Variants in UBE2F observed in about 807,000 individuals in gnomAD.
UBE2F encodes the protein NEDD8-conjugating enzyme UBE2F.
UBE2F carries 5 observed loss-of-function variants against 29.6 expected under a neutral mutation model. The observed-to-expected ratio is 0.17, with a 90% CI of 0.09 to 0.36. UBE2F has a LOEUF of 0.36. UBE2F is among the 10% of genes least tolerant of loss of function. The pLI is 1.00. For missense variants in UBE2F, 141 were observed against 228.5 expected, an observed-to-expected ratio of 0.62 and a Z score of 2.47; for synonymous variants, 66 against 81.8, an observed-to-expected ratio of 0.81 and a Z score of 1.04.
At chr2:238,024,262 G>A (rs1056164517) in intron 5 of UBE2F, among the ~76,000 whole-genome samples, 3 of 152,128 alleles carry the variant, frequency 2.0e-5, no homozygotes, top group East Asian at 1.9e-4. Flanking sequence ...AGATATTTAC[G>A]TATGTTTCTT....
intron 2 of UBE2F, among the ~76,000 whole-genome samples, chr2:237,979,018 T>C (rs2063334538): frequency 6.6e-6 from 1 of 152,218 alleles, no homozygotes; most frequent in Admixed American, 6.5e-5. Flanking sequence ...CCAACATGCA[T>C]TGTAGTGCCA....
intron 5 of UBE2F, among the ~76,000 whole-genome samples, chr2:238,018,511 G>A (rs1289941272): frequency 1.3e-5 from 2 of 152,114 alleles, no homozygotes; most frequent in Non-Finnish European, 2.9e-5. Context: ...CTGTGTGCCA[G>A]GTGTCTTGAC....
chr2:238,000,396 A>G (rs1002392659), intron 4 of UBE2F, among the ~76,000 whole-genome samples: 1 of 152,060 alleles, frequency 6.6e-6, no homozygotes, highest in African/African-American at 2.4e-5. Context: ...GTATGTATCT[A>G]TTTTAGTGTT....
chr2:237,976,891 T>G (rs2063291669), intron 2 of UBE2F, among the ~76,000 whole-genome samples: 1 of 152,172 alleles, frequency 6.6e-6, no homozygotes, highest in Non-Finnish European at 1.5e-5. Context: ...CTTGCCCAGT[T>G]TGCGGGTTTA....
intron 3 of UBE2F, among the ~76,000 whole-genome samples, chr2:237,989,873 C>A (rs2063547727): frequency 6.6e-6 from 1 of 151,844 alleles, no homozygotes; most frequent in Non-Finnish European, 1.5e-5. Context: ...ATTCCCAACA[C>A]TTTGGGAGGC....
intron 2 of UBE2F, among the ~76,000 whole-genome samples, chr2:237,979,353 A>G (rs2063339744): frequency 6.6e-6 from 1 of 152,150 alleles, no homozygotes; most frequent in African/African-American, 2.4e-5. Flanking sequence ...TGTCTGCCTG[A>G]GCAGTCCAGT....
intron 2 of UBE2F, among the ~76,000 whole-genome samples, chr2:237,987,138 A>G (rs1178908413): frequency 2.0e-5 from 3 of 152,132 alleles, no homozygotes; most frequent in African/African-American, 7.2e-5. Context: ...ATATATTTCC[A>G]TATATTTATT....
At chr2:238,008,553 TTTTCTC>T (rs1284001520) in intron 4 of UBE2F, among the ~76,000 whole-genome samples, 7 of 152,216 alleles carry the variant, frequency 4.6e-5, no homozygotes, top group African/African-American at 1.4e-4. Context: ...ATTTTTGTCT[TTTTCTC>T]TTGATCAGGT....
rs2063087888 is a variant in UBE2F, at chr2:237,967,722, G to A, written c.-17+590G>A. ...TATGGACGCTTACCTACAACTGGGG[G>A]CGGCCAGGCTAGTTTGGAAAATTTT... On this transcript the variant is annotated intron_variant, in intron 1 of 9. Coordinates refer to ENST00000272930, the MANE Select transcript of UBE2F (RefSeq NM_080678.3). The surrounding 1 kb of genome is among the most constrained non-coding windows in gnomAD (Gnocchi z 6.3). Among the ~76,000 whole-genome samples the A allele has an allele frequency of 6.6e-6, 1 of 152,242 alleles. No homozygotes were observed. Among genetic ancestry groups the A allele is most frequent in the Non-Finnish European group, 1.5e-5 (1 of 68,038 alleles).
chr2:238,025,190 T>C, intron 5 of UBE2F, 152 bp from the exon 6 acceptor site: 1 of 667,668 alleles, frequency 1.5e-6, no homozygotes, highest in Middle Eastern at 2.5e-4. Context: ...TGAGCCAGTA[T>C]TCAGGGTTGA....
chr2:237,989,294 T>TTC (rs2063538269), intron 3 of UBE2F, among the ~76,000 whole-genome samples: 2 of 152,154 alleles, frequency 1.3e-5, no homozygotes, highest in African/African-American at 4.8e-5. Flanking sequence ...AATGGTGGAT[T>TTC]GCAACCTCTC....
rs375221669 is a variant in UBE2F, at chr2:238,025,427, TTTTC to T, written c.353+22_353+25del. 3.2e-4 allele frequency: 517 copies of T among 1,608,670 alleles called. No homozygotes were observed. In the African/African-American group the frequency reaches 6.3e-3, roughly 19 times the overall value. ...ATATGTCTGAGGTGAGTTTATTGTC[TTTTC>T]TTTCTTCTACATTCGTGAGTGTCAT... is the stretch of plus-strand genomic sequence containing the variant. On this transcript the variant is annotated intron_variant, in intron 6 of 9. Transcript: ENST00000272930.
At chr2:237,989,207 T>G (rs893454326) in intron 3 of UBE2F, among the ~76,000 whole-genome samples, 5 of 152,058 alleles carry the variant, frequency 3.3e-5, no homozygotes, top group African/African-American at 9.7e-5. Flanking sequence ...AGAGAGAACT[T>G]AGGATTGGAT....
At chr2:237,976,470 A>T (rs1234047542) in intron 2 of UBE2F, among the ~76,000 whole-genome samples, 6 of 152,232 alleles carry the variant, frequency 3.9e-5, no homozygotes, top group African/African-American at 4.8e-5. Context: ...CTGTAACAAA[A>T]TGCCACAGAT....
At chr2:238,030,775 C>T (rs1170640545) in intron 7 of UBE2F, among the ~76,000 whole-genome samples, 162 bp downstream of exon 7, 3 of 152,218 alleles carry the variant, frequency 2.0e-5, no homozygotes, top group Non-Finnish European at 4.4e-5. Context: ...GGCTACTTAG[C>T]CAGTCACTGA....
chr2:237,989,113 C>T (rs10048814), intron 3 of UBE2F, among the ~76,000 whole-genome samples: 130,682 of 152,190 alleles, frequency 0.86, 56,265 homozygotes, highest in East Asian at 0.97. Flanking sequence ...TTGTACTTCC[C>T]TTAAAATTAG....
intron 4 of UBE2F, among the ~76,000 whole-genome samples, chr2:237,999,096 T>A (rs10186813): frequency 0.71 from 107,864 of 151,520 alleles, 39,584 homozygotes; most frequent in East Asian, 0.92. Flanking sequence ...TTATTTTTTT[T>A]TTTTGAGACA....
intron 4 of UBE2F, among the ~76,000 whole-genome samples, chr2:238,005,807 A>G (rs1398798058): frequency 6.6e-6 from 1 of 152,134 alleles, no homozygotes; most frequent in Non-Finnish European, 1.5e-5. Context: ...ATGGCTTTAT[A>G]GTAAGTCTTG....
At chr2:238,025,869 T>C (rs1296180692) in intron 6 of UBE2F, among the ~76,000 whole-genome samples, 1 of 152,226 alleles carries the variant, frequency 6.6e-6, no homozygotes, top group African/African-American at 2.4e-5. Flanking sequence ...AAAATGGTCC[T>C]GATAGATGTC....
Sources: gnomAD v4.1 joint callset for allele counts (sites outside exome capture counted in the v4.1 genomes callset) on GRCh38, gnomAD v4.1.1 for gene constraint, Gnocchi (gnomAD v3.1) non-coding constraint, MANE v1.5 for transcripts, NCBI Gene and HGNC (gene_info 2026-07-23, HGNC 2026-07-21) for gene names.